Variants in MAST3 observed in about 807,000 individuals in gnomAD.
The protein encoded by MAST3 is microtubule-associated serine/threonine-protein kinase 3.
MAST3 carries 43 observed loss-of-function variants against 127.0 expected under a neutral mutation model. The observed-to-expected ratio is 0.34, with a 90% CI of 0.27 to 0.44. The LOEUF is 0.44. MAST3 is among the 20% of genes least tolerant of loss of function. The probability of loss-of-function intolerance (pLI) is 1.00; values close to 1 mark genes in which losing one functional copy is unlikely to be tolerated. For synonymous variants in MAST3, 785 were observed against 809.2 expected (o/e 0.97, Z 0.51); for missense variants, 1,390 against 1,919.1 (o/e 0.72, Z 5.15).
Position 18,123,934 on chromosome 19 carries a change from C to T in MAST3, c.634-5C>T, listed in dbSNP as rs929360580. 1.1e-5 allele frequency: 17 copies of T among 1,557,268 alleles called. No homozygotes were observed. The African/African-American group carries it at 1.8e-4, about 16-fold the overall frequency. ...GACCAGGTCGCCCCGTCTCGCCCCACCCAGGCCACAGCACAGATGGAGGGC... is the reference window on the plus strand; with the variant it reads ...GACCAGGTCGCCCCGTCTCGCCCCATCCAGGCCACAGCACAGATGGAGGGC... On this transcript the variant is annotated splice_polypyrimidine_tract_variant and splice_region_variant and intron_variant, in intron 8 of 27. Transcript: ENST00000687212.
chr19:18,142,476 C>T (rs1351658567), intron 21 of MAST3, among the ~76,000 whole-genome samples: 5 of 151,534 alleles, frequency 3.3e-5, no homozygotes, highest in African/African-American at 9.7e-5. Flanking sequence ...CTCAGCCTCC[C>T]GAGTAGCTGG....
chr19:18,138,973 T>G (rs1308693396), intron 19 of MAST3, 42 bp from the exon 20 acceptor site: 1 of 1,332,030 alleles, frequency 7.5e-7, no homozygotes, highest in Admixed American at 2.0e-5. Flanking sequence ...TGAGATCATC[T>G]CTGGGCATCA....
intron 1 of MAST3, 50 bp downstream of exon 1, chr19:18,097,881 A>T: frequency 8.2e-7 from 1 of 1,216,420 alleles, no homozygotes; most frequent in Middle Eastern, 3.1e-4. Context: ...GGCCAAGTGG[A>T]CGCGGCCTGA....
In MAST3 at chr19:18,145,744, G is replaced by A; in HGVS notation, c.3041G>A (p.Ser1014Asn). ...DVYTVHHVVWSVEDGSPAQEA... is the reference protein window; with the variant it reads ...DVYTVHHVVWNVEDGSPAQEA... ...CCCACCGTTCTCGTCTGCCCCCAGA[G>A]TGTGGAGGACGGAAGCCCCGCCCAG... Residue 1014 changes from serine to asparagine, a missense_variant and splice_region_variant, in exon 25 of 28, where the codon AGT (serine) becomes AAT (asparagine). By Grantham distance (46) the Ser-to-Asn change is conservative (BLOSUM62 1). Around this residue, in one of 5 missense-constraint regions of MAST3, gnomAD observed 816 missense variants for 934.1 expected, o/e 0.87. Coordinates refer to ENST00000687212, the MANE Select transcript of MAST3 (RefSeq NM_001393504.1). The surrounding 1 kb of genome is among the most constrained non-coding windows in gnomAD (Gnocchi z 5.9). 6.3e-7 allele frequency: 1 copy of A among 1,584,674 alleles called. No individual in the cohort carries two copies. Among genetic ancestry groups the A allele is most frequent in the Non-Finnish European group, 8.6e-7 (1 of 1,169,248 alleles).
In MAST3 at chr19:18,122,762, C is replaced by A; in HGVS notation, c.399+11C>A. ...AGCTCCACCCTCTCGGTACCCATAGCCCCACCTTGGCAGGTGGACAGGCAG... is the reference window on the plus strand; with the variant it reads ...AGCTCCACCCTCTCGGTACCCATAGACCCACCTTGGCAGGTGGACAGGCAG... On this transcript the variant is annotated intron_variant, in intron 6 of 27. Transcript: ENST00000687212. 1 of 1,611,960 alleles carries A rather than the reference C, an allele frequency of 6.2e-7. No homozygotes were observed. The highest frequency in any genetic ancestry group is 1.3e-5 in the African/African-American group (1 of 75,038).
At chr19:18,113,893 TG>T (rs2038932758) in intron 3 of MAST3, among the ~76,000 whole-genome samples, 1 of 152,252 alleles carries the variant, frequency 6.6e-6, no homozygotes, top group African/African-American at 2.4e-5. Flanking sequence ...CCATTGTGCC[TG>T]GCCTTGCAAC....
At position 18,126,843 on chromosome 19, in the gene MAST3, C is replaced by T. The variant is rs1028467738; in HGVS notation, c.1079-1557C>T. On this transcript the variant is annotated intron_variant, in intron 11 of 27. Transcript: ENST00000687212. Reference sequence around the variant, plus strand: ...TCGCCCAGGCTGGAGTGCAGTGGCACGATCTTGGCTCACTGCAAGCTCCGC... The same window carrying T: ...TCGCCCAGGCTGGAGTGCAGTGGCATGATCTTGGCTCACTGCAAGCTCCGC... Among the ~76,000 whole-genome samples the T allele has an allele frequency of 1.1e-3, 170 of 151,874 alleles. 3 individuals carry two copies. The highest frequency in any genetic ancestry group is 8.0e-4 in the African/African-American group (33 of 41,480).
chr19:18,101,482 C>T (rs2037615630), intron 1 of MAST3, among the ~76,000 whole-genome samples: 1 of 152,098 alleles, frequency 6.6e-6, no homozygotes, highest in African/African-American at 2.4e-5. Flanking sequence ...GCTTGGTGCC[C>T]AGCAGGCTGA....
Position 18,143,820 on chromosome 19 carries a change from G to A in MAST3, c.2397G>A (p.Glu799=), listed in dbSNP as rs749404791. 6.2e-7 allele frequency: 1 copy of A among 1,613,860 alleles called. No homozygotes were observed. Among genetic ancestry groups the A allele is most frequent in the Non-Finnish European group, 8.5e-7 (1 of 1,179,864 alleles). Residue 799 remains glutamate (E), a synonymous_variant, in exon 22 of 28, where the codon GAG becomes GAA. Coordinates refer to ENST00000687212, the MANE Select transcript of MAST3 (RefSeq NM_001393504.1). ...GTCAGTCATCTTCGTCCCAGCCCGA[G>A]CGGGGTCCCAGCCCATCTCTCCTGA... is the stretch of plus-strand genomic sequence containing the variant. ...SSCQSSSSQP[E]RGPSPSLLNT...
intron 8 of MAST3, 122 bp from the exon 9 acceptor site, chr19:18,123,817 T>G: frequency 9.5e-7 from 1 of 1,053,432 alleles, no homozygotes; most frequent in Non-Finnish European, 1.4e-6. Flanking sequence ...GCACCAGCCC[T>G]CCCACCCGAT....
At chr19:18,107,548 GTCTC>G (rs1568547649) in intron 1 of MAST3, 35 bp from the exon 2 acceptor site, 4 of 1,611,470 alleles carry the variant, frequency 2.5e-6, no homozygotes, top group Non-Finnish European at 3.4e-6. Flanking sequence ...CTGAGGGCTA[GTCTC>G]TCTGAGAATG....
chr19:18,098,235 G>A (rs1357706131), intron 1 of MAST3, among the ~76,000 whole-genome samples: 2 of 152,158 alleles, frequency 1.3e-5, no homozygotes, highest in African/African-American at 2.4e-5. Flanking sequence ...GGTCGTCGCT[G>A]CACCACTGTA....
chr19:18,143,927 A>G lies in MAST3; in HGVS notation c.2504A>G (p.Lys835Arg). Residue 835 changes from lysine (K) to arginine (R), a missense_variant, in exon 22 of 28, where the codon AAG becomes AGG. Physicochemically the swap from Lys to Arg is conservative, Grantham distance 26. Transcript: ENST00000687212. ...GTAGGCCCAGGCCCTGCAGGCCCCAAGAGGCCCGTCTTCATTCTAGGGGAG... is the reference window on the plus strand; with the variant it reads ...GTAGGCCCAGGCCCTGCAGGCCCCAGGAGGCCCGTCTTCATTCTAGGGGAG... ...EGVGPGPAGPKRPVFILGEPD... is the reference protein window; with the variant it reads ...EGVGPGPAGPRRPVFILGEPD... 1 of 1,612,840 alleles carries G rather than the reference A, an allele frequency of 6.2e-7. No homozygotes were observed. Among genetic ancestry groups the G allele is most frequent in the Non-Finnish European group, 8.5e-7 (1 of 1,179,486 alleles).
chr19:18,129,209 C>T (rs1044030514), intron 13 of MAST3: 15 of 520,144 alleles, frequency 2.9e-5, no homozygotes, highest in African/African-American at 2.7e-4. Context: ...GGGGGCTGAT[C>T]AAGGAAATAG....
chr19:18,120,014 G>A (rs1003761823), intron 3 of MAST3, among the ~76,000 whole-genome samples: 3 of 152,138 alleles, frequency 2.0e-5, no homozygotes, highest in African/African-American at 7.2e-5. Context: ...CTGGTGGGGC[G>A]GGGGACGGTG....
At position 18,137,206 on chromosome 19, in the gene MAST3, G is replaced by A. The variant is rs1037706398; in HGVS notation, c.1973-33G>A. 3.8e-6 allele frequency: 6 copies of A among 1,585,554 alleles called. No homozygotes were observed. The Admixed American group carries it at 5.2e-5, about 14-fold the overall frequency. On this transcript the variant is annotated intron_variant, in intron 18 of 27. Coordinates refer to ENST00000687212, the MANE Select transcript of MAST3 (RefSeq NM_001393504.1). ...GGGCATCCTGTGGCGGGTGAGGTGA[G>A]GACCTGCAGGGCTCAGCGGGGCATA...
intron 1 of MAST3, among the ~76,000 whole-genome samples, chr19:18,102,179 C>CACCTTTTT (rs2037690255): frequency 6.9e-6 from 1 of 144,578 alleles, no homozygotes. Context: ...TGCGCCTGGC[C>CACCTTTTT]TTTTTTTTTT....
chr19:18,099,004 C>G, intron 1 of MAST3: 3 of 280,146 alleles, frequency 1.1e-5, no homozygotes, highest in South Asian at 3.0e-5. Context: ...GGCATTGCAG[C>G]GGGGGGCGGT....
At chr19:18,134,542 C>A (rs779594251) in intron 15 of MAST3, 37 bp from the exon 16 acceptor site, 1 of 1,573,298 alleles carries the variant, frequency 6.4e-7, no homozygotes, top group Non-Finnish European at 8.7e-7. Context: ...GGCACCCCAG[C>A]CCCCCAGCTC....
Sources: allele counts gnomAD v4.1 joint callset (sites outside exome capture counted in the v4.1 genomes callset), GRCh38; gene constraint gnomAD v4.1.1; regional missense constraint gnomAD v4.1.1; non-coding constraint Gnocchi (gnomAD v3.1); transcripts MANE v1.5; gene names NCBI Gene and HGNC (gene_info 2026-07-23, HGNC 2026-07-21).